The following CSMD3 variants were observed in gnomAD, a reference collection of about 807,000 sequenced individuals.
The protein encoded by CSMD3 is CUB and sushi domain-containing protein 3.
CSMD3 carries 177 observed loss-of-function variants against 435.2 expected under a neutral mutation model. The observed-to-expected ratio is 0.41, with a 90% CI of 0.36 to 0.46. The LOEUF (loss-of-function observed/expected upper bound fraction) is 0.46, where lower values mean the gene tolerates loss of function less well. CSMD3 is among the 20% of genes least tolerant of loss of function. The pLI is 0.34. For missense variants in CSMD3, 4,265 were observed against 4,504.6 expected, an observed-to-expected ratio of 0.95 and a Z score of 1.52; for synonymous variants, 1,656 against 1,520.5, an observed-to-expected ratio of 1.09 and a Z score of -2.07.
At chr8:113,061,561 G>T (rs35555491) in intron 5 of CSMD3, among the ~76,000 whole-genome samples, 3,184 of 152,048 alleles carry the variant, frequency 0.021, 48 homozygotes, top group Non-Finnish European at 0.034. Flanking sequence ...AGGTATACAT[G>T]GAATTCACTG....
chr8:112,930,073 A>G (rs2083056746), intron 9 of CSMD3, among the ~76,000 whole-genome samples: 1 of 152,112 alleles, frequency 6.6e-6, no homozygotes. Flanking sequence ...AATAAATGAA[A>G]TAATTTAATG....
Position 113,236,802 on chromosome 8 carries a change from C to CATCT in CSMD3, c.514+41786_514+41789dup, listed in dbSNP as rs545455365. Among the ~76,000 whole-genome samples, 571 of 152,218 alleles carry CATCT rather than the reference C, an allele frequency of 3.8e-3. 2 individuals carry two copies. Among genetic ancestry groups the CATCT allele is most frequent in the African/African-American group, 0.012 (513 of 41,544 alleles). On this transcript the variant is annotated intron_variant, in intron 3 of 70. Coordinates refer to ENST00000297405, the MANE Select transcript of CSMD3 (RefSeq NM_198123.2). The stretch of plus-strand genomic sequence containing the variant: ...GCCAATTCCTCTAATAACCGCCTCT[C>CATCT]ATCTATCTATCTATCTATCTCTCTA...
rs183377456 is a variant in CSMD3, at chr8:113,029,154, A to G, written c.918-9975T>C. ...TAAATCTACACTGCCTGTACTCAAA[A>G]ATAGTCCAGGACCATATGGATTCAC... On this transcript the variant is annotated intron_variant, in intron 5 of 70. Coordinates refer to ENST00000297405, the MANE Select transcript of CSMD3 (RefSeq NM_198123.2). 2.3e-3 allele frequency among the ~76,000 whole-genome samples: 348 copies of G among 151,650 alleles called. 7 individuals are homozygous for G. Among genetic ancestry groups the G allele is most frequent in the Admixed American group, 4.9e-3 (75 of 15,220 alleles).
At chr8:112,691,025 A>G (rs1406221656) in intron 13 of CSMD3, among the ~76,000 whole-genome samples, 1 of 152,170 alleles carries the variant, frequency 6.6e-6, no homozygotes, top group African/African-American at 2.4e-5. Flanking sequence ...CAAGATGTAT[A>G]ATTCCACACA....
intron 7 of CSMD3, among the ~76,000 whole-genome samples, chr8:112,961,785 GCTTT>G (rs1440333538): frequency 6.6e-6 from 1 of 151,876 alleles, no homozygotes; most frequent in African/African-American, 2.4e-5. Flanking sequence ...TTGTATATGG[GCTTT>G]CTTTCTTCCT....
chr8:112,273,017 C>T (rs369976676), intron 59 of CSMD3, among the ~76,000 whole-genome samples: 10 of 152,196 alleles, frequency 6.6e-5, no homozygotes, highest in South Asian at 2.1e-4. Flanking sequence ...TTATGCAATA[C>T]GATATTTCTC....
intron 5 of CSMD3, among the ~76,000 whole-genome samples, chr8:113,077,480 T>A (rs550267035): frequency 1.1e-4 from 17 of 152,196 alleles, no homozygotes; most frequent in South Asian, 4.2e-4. Context: ...AACGGGTGGA[T>A]CACCTGAAGT....
rs1563852625 is a variant in CSMD3, at chr8:112,370,076, AAGAAGAAGTAGT to A, written c.6136+10264_6136+10275del. 2.8e-5 allele frequency among the ~76,000 whole-genome samples: 4 copies of A among 140,530 alleles called. No individual in the cohort carries two copies. In the East Asian group the frequency reaches 8.9e-4, roughly 31 times the overall value. The allele number at this position is 140,530 out of a possible 152,430, so 92.2% of individuals were successfully genotyped here. ...GAAGAAGAAGAAGAAGAAGAAGAAG[AAGAAGAAGTAGT>A]AGTAGTAGTAGTAGTCAGGTATTTG... On this transcript the variant is annotated intron_variant, in intron 38 of 70. Coordinates refer to ENST00000297405, the MANE Select transcript of CSMD3 (RefSeq NM_198123.2).
intron 4 of CSMD3, among the ~76,000 whole-genome samples, chr8:113,145,648 T>C (rs2091655362): frequency 6.6e-6 from 1 of 151,650 alleles, no homozygotes; most frequent in South Asian, 2.1e-4. Flanking sequence ...CTTAATAATA[T>C]CTTATTGAAA....
At chr8:112,248,013 G>T (rs1286524527) in intron 63 of CSMD3, among the ~76,000 whole-genome samples, 1 of 152,056 alleles carries the variant, frequency 6.6e-6, no homozygotes, top group Non-Finnish European at 1.5e-5. Context: ...GTAGAGGTTT[G>T]GGATAAGTGG....
Position 112,526,658 on chromosome 8 carries a change from A to G in CSMD3, c.4565-9433T>C, listed in dbSNP as rs538805291. Among the ~76,000 whole-genome samples, 11 of 152,160 alleles carry G rather than the reference A, an allele frequency of 7.2e-5. No homozygotes were observed. The East Asian group carries it at 1.7e-3, about 24-fold the overall frequency. On this transcript the variant is annotated intron_variant, in intron 27 of 70. Coordinates refer to ENST00000297405, the MANE Select transcript of CSMD3 (RefSeq NM_198123.2). The stretch of plus-strand genomic sequence containing the variant: ...CCACCAAAATTTACATTTGTATTTT[A>G]TCACAAAATAAATAATTTTATCTTT...
At chr8:113,369,746 T>A (rs917803574) in intron 1 of CSMD3, among the ~76,000 whole-genome samples, 1 of 152,036 alleles carries the variant, frequency 6.6e-6, no homozygotes, top group Admixed American at 6.6e-5. Flanking sequence ...TGAAATCCTA[T>A]CATTTACAAC....
chr8:113,353,285 A>G (rs1444769207), intron 1 of CSMD3, among the ~76,000 whole-genome samples: 1 of 152,088 alleles, frequency 6.6e-6, no homozygotes, highest in Non-Finnish European at 1.5e-5. Flanking sequence ...TCTCACACAT[A>G]TGAATAATAG....
chr8:112,970,106 T>C lies in CSMD3; in HGVS notation c.1342+5731A>G, dbSNP rs1396294658. Among the ~76,000 whole-genome samples the C allele has an allele frequency of 2.6e-5, 4 of 152,018 alleles. No individual in the cohort carries two copies. In the South Asian group the frequency reaches 8.3e-4, roughly 31 times the overall value. On this transcript the variant is annotated intron_variant, in intron 7 of 70. Transcript: ENST00000297405. ...CCACAAAATAATGATATTTACTAGATAATTTGTAAGTTCCCACCTAATTCT... is the reference window on the plus strand; with the variant it reads ...CCACAAAATAATGATATTTACTAGACAATTTGTAAGTTCCCACCTAATTCT...
chr8:112,268,551 T>C (rs1316227891), intron 59 of CSMD3, among the ~76,000 whole-genome samples: 1 of 152,230 alleles, frequency 6.6e-6, no homozygotes, highest in African/African-American at 2.4e-5. Context: ...TAATGGATAT[T>C]TTTGCATGTA....
At chr8:113,172,990 A>G (rs1048303394) in intron 4 of CSMD3, among the ~76,000 whole-genome samples, 1 of 152,186 alleles carries the variant, frequency 6.6e-6, no homozygotes, top group African/African-American at 2.4e-5. Flanking sequence ...GATACAAATA[A>G]TCTTAATAGT....
intron 13 of CSMD3, among the ~76,000 whole-genome samples, chr8:112,746,812 A>C (rs913743772): frequency 4.6e-5 from 7 of 152,116 alleles, no homozygotes; most frequent in Non-Finnish European, 8.8e-5. Context: ...CTGTCCTAGG[A>C]GTGGAAGGAG....
intron 10 of CSMD3, among the ~76,000 whole-genome samples, chr8:112,903,729 T>C (rs575811791): frequency 2.3e-4 from 35 of 151,482 alleles, no homozygotes; most frequent in Non-Finnish European, 5.0e-4. Context: ...ATCGTCCTTA[T>C]TCTTACTAAT....
At chr8:112,457,427 C>T (rs1192780254) in intron 32 of CSMD3, among the ~76,000 whole-genome samples, 1 of 152,070 alleles carries the variant, frequency 6.6e-6, no homozygotes, top group Admixed American at 6.6e-5. Flanking sequence ...TATAATGCTA[C>T]TAGAATCCTA....
Sources: allele counts gnomAD v4.1 joint callset (sites outside exome capture counted in the v4.1 genomes callset), GRCh38; gene constraint gnomAD v4.1.1; transcripts MANE v1.5; gene names NCBI Gene and HGNC (gene_info 2026-07-23, HGNC 2026-07-21).